The following ANKRD55 variants were observed in gnomAD, a reference collection of about 807,000 sequenced individuals.
ANKRD55 encodes ankyrin repeat domain 55.
ANKRD55 carries 41 observed loss-of-function variants against 60.6 expected under a neutral mutation model. The observed-to-expected ratio is 0.68, with a 90% CI of 0.53 to 0.88. ANKRD55 has a LOEUF of 0.88. Ranked by LOEUF, ANKRD55 falls within the 40% of genes least tolerant of loss-of-function variation. ANKRD55 has a pLI of 0.00. For synonymous variants in ANKRD55, 264 were observed against 290.3 expected (o/e 0.91, Z 0.92); for missense variants, 732 against 767.6 (o/e 0.95, Z 0.55).
chr5:56,196,048 A>G (rs1759220557), intron 2 of ANKRD55, among the ~76,000 whole-genome samples: 1 of 152,228 alleles, frequency 6.6e-6, no homozygotes, highest in South Asian at 2.1e-4. Flanking sequence ...CTCATAGGAA[A>G]TGAATGTTGT....
At position 56,224,373 on chromosome 5, in the gene ANKRD55, C is replaced by A. The variant is rs1344155001; in HGVS notation, c.58+8483G>T. ...GGAAATTTATAGCACTAAATGCCCA[C>A]AACAGAAAGCAGGAAAGATCTAAAA... On this transcript the variant is annotated intron_variant, in intron 2 of 11. Transcript: ENST00000341048. 3.3e-5 allele frequency among the ~76,000 whole-genome samples: 5 copies of A among 152,132 alleles called. No homozygotes were observed. In the East Asian group the frequency reaches 9.6e-4, roughly 29 times the overall value.
intron 8 of ANKRD55, among the ~76,000 whole-genome samples, chr5:56,121,082 C>G (rs1045511569): frequency 1.3e-5 from 2 of 152,020 alleles, no homozygotes; most frequent in African/African-American, 2.4e-5. Context: ...TGCCCAAGCA[C>G]AGCACTGACA....
At chr5:56,166,114 C>CTTTCTT (rs1339858560) in intron 5 of ANKRD55, among the ~76,000 whole-genome samples, 6 of 55,562 alleles carry the variant, frequency 1.1e-4, no homozygotes, top group Non-Finnish European at 2.4e-4. Flanking sequence ...TTCTTTCTTT[C>CTTTCTT]TTTCTTTCTT....
At chr5:56,107,523 T>A (rs1404837780) in intron 10 of ANKRD55, among the ~76,000 whole-genome samples, 2 of 152,314 alleles carry the variant, frequency 1.3e-5, no homozygotes, top group Non-Finnish European at 2.9e-5. Context: ...ATCTCCTCCC[T>A]CACTTAGAAA....
intron 8 of ANKRD55, among the ~76,000 whole-genome samples, chr5:56,125,985 T>TA (rs1315265231): frequency 6.6e-6 from 1 of 151,828 alleles, no homozygotes; most frequent in African/African-American, 2.4e-5. Flanking sequence ...AATACAAAAG[T>TA]AAGCTGGGCA....
chr5:56,150,959 G>A (rs916594398), intron 6 of ANKRD55, among the ~76,000 whole-genome samples: 51 of 152,086 alleles, frequency 3.4e-4, no homozygotes, highest in Admixed American at 3.1e-3. Context: ...GATTTCTTTC[G>A]CAATCTTATA....
At chr5:56,162,266 A>G in intron 5 of ANKRD55, among the ~76,000 whole-genome samples, 1 of 152,192 alleles carries the variant, frequency 6.6e-6, no homozygotes, top group Non-Finnish European at 1.5e-5. Context: ...AGGTTGTGGG[A>G]TGAACCGTGT....
At chr5:56,115,924 G>A (rs568700568) in intron 9 of ANKRD55, among the ~76,000 whole-genome samples, 3 of 151,792 alleles carry the variant, frequency 2.0e-5, no homozygotes, top group East Asian at 1.9e-4. Context: ...GAGTGATCTC[G>A]GGTCACTGCA....
At chr5:56,210,721 A>C (rs1759652213) in intron 2 of ANKRD55, among the ~76,000 whole-genome samples, 1 of 152,188 alleles carries the variant, frequency 6.6e-6, no homozygotes, top group Non-Finnish European at 1.5e-5. Context: ...TTATATAGTC[A>C]AAATCTATGG....
Position 56,112,511 on chromosome 5 carries a change from A to AAAAAAAAAAAAAAAAACAAAAAAAAAAAC in ANKRD55, c.966-730_966-729insGTTTTTTTTTTTGTTTTTTTTTTTTTTTT. Among the ~76,000 whole-genome samples the AAAAAAAAAAAAAAAAACAAAAAAAAAAAC allele has an allele frequency of 4.9e-4, 40 of 81,498 alleles. 1 individual carries two copies. Among genetic ancestry groups the AAAAAAAAAAAAAAAAACAAAAAAAAAAAC allele is most frequent in the East Asian group, 4.0e-3 (16 of 4,018 alleles). 53.5% of individuals were successfully genotyped at this position (81,498 alleles called of 152,430 possible). ...GCAGGATCTCATCTCTAGCAAAAAA[A>AAAAAAAAAAAAAAAAACAAAAAAAAAAAC]AAAAAAAAAAACAACCAAGGAAAGA... On this transcript the variant is annotated intron_variant, in intron 9 of 11. Coordinates refer to ENST00000341048, the MANE Select transcript of ANKRD55 (RefSeq NM_024669.3).
chr5:56,214,762 C>A (rs1759761933), intron 2 of ANKRD55, among the ~76,000 whole-genome samples: 1 of 152,182 alleles, frequency 6.6e-6, no homozygotes, highest in South Asian at 2.1e-4. Flanking sequence ...TGAAACACTT[C>A]CAGGATCCAT....
intron 4 of ANKRD55, among the ~76,000 whole-genome samples, chr5:56,174,830 CAAA>C (rs59849503): frequency 1.6e-3 from 104 of 65,926 alleles, no homozygotes; most frequent in African/African-American, 4.3e-3. Flanking sequence ...GACTCTGTCT[CAAA>C]AAAAAAAAAA....
Position 56,222,729 on chromosome 5 carries a change from G to T in ANKRD55, c.58+10127C>A, listed in dbSNP as rs187776202. On this transcript the variant is annotated intron_variant, in intron 2 of 11. Coordinates refer to ENST00000341048, the MANE Select transcript of ANKRD55 (RefSeq NM_024669.3). ...ATGCACAAGCTTCAGTAGCTGATTC[G>T]ATCAACTGGAAGAAAGGGTATCAGT... Among the ~76,000 whole-genome samples the T allele has an allele frequency of 9.3e-4, 141 of 152,276 alleles. 3 individuals carry two copies. The Middle Eastern group carries it at 0.027, about 29-fold the overall frequency.
In ANKRD55 at chr5:56,183,650, A is replaced by C. The variant is rs1467057166; in HGVS notation, c.59-16T>G. ...GATGAGTCACCTTCATGCATAAAAC[A>C]GACACAATGTTAGTGTGTGGAGCCA... On this transcript the variant is annotated splice_polypyrimidine_tract_variant and intron_variant, in intron 2 of 11. Coordinates refer to ENST00000341048, the MANE Select transcript of ANKRD55 (RefSeq NM_024669.3). 1.2e-6 allele frequency: 2 copies of C among 1,613,686 alleles called. No individual in the cohort carries two copies. The highest frequency in any genetic ancestry group is 2.2e-5 in the East Asian group (1 of 44,860).
At chr5:56,150,653 T>C (rs1037945083) in intron 6 of ANKRD55, among the ~76,000 whole-genome samples, 1 of 152,062 alleles carries the variant, frequency 6.6e-6, no homozygotes, top group African/African-American at 2.4e-5. Context: ...ATCCCAGCCC[T>C]TTAGGAGGCC....
chr5:56,147,186 T>G (rs997047366), intron 6 of ANKRD55, among the ~76,000 whole-genome samples: 5 of 152,188 alleles, frequency 3.3e-5, no homozygotes, highest in African/African-American at 9.7e-5. Context: ...TTAAGCCTAT[T>G]TTACAGGCAA....
At chr5:56,212,563 T>C (rs958048465) in intron 2 of ANKRD55, among the ~76,000 whole-genome samples, 1 of 152,248 alleles carries the variant, frequency 6.6e-6, no homozygotes, top group African/African-American at 2.4e-5. Context: ...GGCACTGTCC[T>C]AACAATTTTA....
chr5:56,194,237 A>C (rs1460755885), intron 2 of ANKRD55, among the ~76,000 whole-genome samples: 2 of 151,278 alleles, frequency 1.3e-5, no homozygotes, highest in Non-Finnish European at 2.9e-5. Flanking sequence ...AACTGCTTGA[A>C]CTGGGGAGGC....
intron 6 of ANKRD55, among the ~76,000 whole-genome samples, chr5:56,153,578 G>A (rs566266917): frequency 9.2e-5 from 14 of 152,124 alleles, no homozygotes; most frequent in African/African-American, 2.4e-4. Flanking sequence ...CGTGGCTCAC[G>A]CCTGTAATCC....
Sources: gnomAD v4.1 joint callset for allele counts (sites outside exome capture counted in the v4.1 genomes callset) on GRCh38, gnomAD v4.1.1 for gene constraint, MANE v1.5 for transcripts, NCBI Gene and HGNC (gene_info 2026-07-23, HGNC 2026-07-21) for gene names.